Variants in ZNF717 observed in about 807,000 individuals in gnomAD.
ZNF717 encodes the protein zinc finger protein 717, also known as krueppel-like factor X17.
In ZNF717, 9 loss-of-function variants were observed where a neutral mutation model predicts 13.8. The ratio of observed to expected loss-of-function variants is 0.65; its 90% CI spans 0.39 to 1.14. The LOEUF (loss-of-function observed/expected upper bound fraction) is 1.14. ZNF717 is among the 50% of genes most tolerant of loss of function. The pLI is 0.01. For missense variants in ZNF717, 1,040 were observed against 1,080.7 expected (o/e 0.96, Z 0.53); for synonymous variants, 327 against 364.1 (o/e 0.90, Z 1.16).
chr3:75,756,486 A>G (rs1942486023), intron 2 of ZNF717, among the ~76,000 whole-genome samples: 1 of 152,268 alleles, frequency 6.6e-6, no homozygotes, highest in African/African-American at 2.4e-5. Flanking sequence ...CTCATGCAAC[A>G]AACACTTAGC....
At chr3:75,696,673 A>T (rs1263648719) in intron 6 of ZNF717, among the ~76,000 whole-genome samples, 1 of 152,290 alleles carries the variant, frequency 6.6e-6, no homozygotes, top group African/African-American at 2.4e-5. Context: ...TGGGCAGATC[A>T]TCTGAGTTCA....
chr3:75,721,863 T>C (rs540658987), intron 4 of ZNF717, among the ~76,000 whole-genome samples: 1 of 151,626 alleles, frequency 6.6e-6, no homozygotes, highest in Non-Finnish European at 1.5e-5. Context: ...AAAAAAAAAT[T>C]GACAACTTCC....
intron 2 of ZNF717, among the ~76,000 whole-genome samples, chr3:75,757,529 A>G (rs112035590): frequency 1.8e-4 from 28 of 151,378 alleles, no homozygotes; most frequent in Non-Finnish European, 3.2e-4. Flanking sequence ...TTACCGCTCA[A>G]TGACAATGCT....
rs1939454395 is a variant in ZNF717 at position 75,737,354 on chromosome 3, G to A, written c.2269C>T (p.Pro757Ser). ...VHHRTHTGEK[P>S]YECNECGKTF... ...TTCCCACACTCATTACATTCATAAG[G>A]TTTTTCTCCGGTATGGGTTCTATGA... Residue 757 changes from proline (P) to serine (S), a missense_variant, in exon 5 of 5, where the codon CCT becomes TCT. Transcript: ENST00000652011. 5 of 1,552,580 alleles carry A rather than the reference G, an allele frequency of 3.2e-6. No individual in the cohort carries two copies. Among genetic ancestry groups the A allele is most frequent in the Admixed American group, 3.9e-5 (2 of 51,018 alleles).
chr3:75,726,183 G>C (rs1213259279), downstream of ZNF717, among the ~76,000 whole-genome samples: 20 of 152,374 alleles, frequency 1.3e-4, 2 homozygotes, highest in East Asian at 3.5e-3. Flanking sequence ...CTAGGCATTT[G>C]TTATGTGATT....
intron 2 of ZNF717, among the ~76,000 whole-genome samples, chr3:75,750,137 TAGAACACTG>T (rs1254395464): frequency 1.6e-5 from 2 of 127,676 alleles, no homozygotes; most frequent in African/African-American, 5.9e-5. Context: ...AATAGGATAC[TAGAACACTG>T]CTACAAGGGT....
chr3:75,724,033 C>T (rs796127694), intron 4 of ZNF717, among the ~76,000 whole-genome samples: 1 of 152,098 alleles, frequency 6.6e-6, no homozygotes, highest in East Asian at 1.9e-4. Context: ...TACTAAAAGT[C>T]TTTGAAATGC....
chr3:75,765,035 A>ATGTG (rs150835839), intron 2 of ZNF717, among the ~76,000 whole-genome samples: 1,721 of 81,010 alleles, frequency 0.021, 40 homozygotes, highest in Admixed American at 0.061. Flanking sequence ...ATATATGTAT[A>ATGTG]TGTGTGTGTG....
downstream of ZNF717, among the ~76,000 whole-genome samples, chr3:75,725,936 T>C (rs1196534657): frequency 2.0e-5 from 3 of 152,246 alleles, no homozygotes; most frequent in Non-Finnish European, 4.4e-5. Context: ...AAGAGACTCA[T>C]GCAGATTTCA....
chr3:75,760,783 A>G (rs1359388239), intron 2 of ZNF717, among the ~76,000 whole-genome samples: 1 of 152,178 alleles, frequency 6.6e-6, no homozygotes, highest in East Asian at 1.9e-4. Context: ...AACCAAGCAA[A>G]AGGAAGAAAA....
intron 5 of ZNF717, among the ~76,000 whole-genome samples, chr3:75,713,823 C>A (rs534084614): frequency 6.6e-6 from 1 of 151,924 alleles, no homozygotes; most frequent in Admixed American, 6.5e-5. Context: ...AGTAGTGGCC[C>A]CAAAGGCCAG....
downstream of ZNF717, among the ~76,000 whole-genome samples, chr3:75,729,246 G>A (rs1559576530): frequency 1.3e-5 from 2 of 150,822 alleles, no homozygotes; most frequent in Non-Finnish European, 3.0e-5. Flanking sequence ...GACAAAGAGG[G>A]AGGGGAACAA....
At chr3:75,711,362 T>G (rs1426676529) in intron 5 of ZNF717, 1 of 152,254 alleles carries the variant, frequency 6.6e-6, no homozygotes, top group African/African-American at 2.4e-5. Context: ...CAAATAAAAG[T>G]CATAAAAACA....
At chr3:75,728,355 T>A (rs558322007), downstream of ZNF717, among the ~76,000 whole-genome samples, 43 of 152,044 alleles carry the variant, frequency 2.8e-4, no homozygotes, top group Non-Finnish European at 5.9e-4. Flanking sequence ...AGGAGACAGG[T>A]CTATGCTTTT....
Position 75,760,970 on chromosome 3 carries a change from G to A in ZNF717, c.58-19234C>T, listed in dbSNP as rs7430944. On this transcript the variant is annotated intron_variant, in intron 2 of 4. Coordinates refer to ENST00000652011, the MANE Select transcript of ZNF717 (RefSeq NM_001290208.3). ...TAAAAGAGGTGACAGTACAACAGATGCCACAGAAATGAAAAAGATTACAAG... is the reference window on the plus strand; with the variant it reads ...TAAAAGAGGTGACAGTACAACAGATACCACAGAAATGAAAAAGATTACAAG... 5.6e-3 allele frequency among the ~76,000 whole-genome samples: 851 copies of A among 152,136 alleles called. 9 individuals carry two copies. The highest frequency in any genetic ancestry group is 4.3e-3 in the Non-Finnish European group (292 of 68,020).
chr3:75,717,152 A>T (rs1480325416), intron 4 of ZNF717, among the ~76,000 whole-genome samples: 1 of 152,204 alleles, frequency 6.6e-6, no homozygotes, highest in South Asian at 2.1e-4. Context: ...AGCTCTTGAG[A>T]GGAAAAATCA....
intron 2 of ZNF717, among the ~76,000 whole-genome samples, chr3:75,749,258 T>C (rs2107341977): frequency 6.6e-6 from 1 of 152,114 alleles, no homozygotes; most frequent in African/African-American, 2.4e-5. Context: ...CGAATGTTTT[T>C]CCCTCACTTA....
chr3:75,759,278 A>ATTTT (rs57052931), intron 2 of ZNF717, among the ~76,000 whole-genome samples: 1 of 121,696 alleles, frequency 8.2e-6, no homozygotes, highest in Non-Finnish European at 1.8e-5. Context: ...TGGTCATCTA[A>ATTTT]TTTTTTTTTT....
intron 5 of ZNF717, among the ~76,000 whole-genome samples, chr3:75,714,126 C>A (rs1487506947): frequency 6.6e-6 from 1 of 152,086 alleles, no homozygotes; most frequent in Non-Finnish European, 1.5e-5. Context: ...AGCACAGTAT[C>A]ACAGGGAGAT....
Sources: gnomAD v4.1 joint callset for allele counts (sites outside exome capture counted in the v4.1 genomes callset) on GRCh38, gnomAD v4.1.1 for gene constraint, MANE v1.5 for transcripts, NCBI Gene and HGNC (gene_info 2026-07-23, HGNC 2026-07-21) for gene names.